Variants in WDR5 observed in about 807,000 individuals in gnomAD.
The protein encoded by WDR5 is WD repeat domain 5.
For missense variants in WDR5, 187 were observed against 416.9 expected (o/e 0.45, Z 4.80); for synonymous variants, 144 against 161.6 (o/e 0.89, Z 0.83).
chr9:134,136,139 C>G lies in WDR5; in HGVS notation c.-120C>G, dbSNP rs1564185061. The G allele has an allele frequency of 6.7e-6, 1 of 148,404 alleles. No homozygotes were observed. The highest frequency in any genetic ancestry group is 2.1e-4 in the South Asian group (1 of 4,828). 9.2% of individuals were successfully genotyped at this position (148,404 alleles called of 1,614,324 possible). A position where few individuals can be genotyped will look rare whatever the true frequency, so the allele number is the denominator to read the frequency against. ...GCCTTGTCGAGCTGAGTCCGCGCTC[C>G]CGCCCAGGCGGCGGCCGACGCGACG... On this transcript the variant is annotated 5_prime_UTR_variant, in exon 1 of 14. Coordinates refer to ENST00000358625, the MANE Select transcript of WDR5 (RefSeq NM_017588.3).
At chr9:134,155,485 C>G in intron 11 of WDR5, 112 bp downstream of exon 11, 1 of 1,438,674 alleles carries the variant, frequency 7.0e-7, no homozygotes, top group Non-Finnish European at 9.4e-7. Context: ...AGAGAGCCAT[C>G]TCCGCTGGGT....
intron 13 of WDR5, among the ~76,000 whole-genome samples, chr9:134,156,995 AC>A (rs770410056): frequency 6.6e-6 from 1 of 151,466 alleles, no homozygotes; most frequent in Non-Finnish European, 1.5e-5. Context: ...TCCCAGAGAG[AC>A]CCCCCAGCTG....
chr9:134,159,913 G>T lies in WDR5; in HGVS notation c.*1920G>T, dbSNP rs1215910483. The stretch of plus-strand genomic sequence containing the variant: ...ATTTTTTCTACATTTGAATTCTGTT[G>T]TAGATTTATGTAAAAATACATTCTT... On this transcript the variant is annotated 3_prime_UTR_variant, in exon 14 of 14. Coordinates refer to ENST00000358625, the MANE Select transcript of WDR5 (RefSeq NM_017588.3). The surrounding 1 kb of genome is among the most constrained non-coding windows in gnomAD (Gnocchi z 4.3). 6.6e-6 allele frequency: 1 copy of T among 152,184 alleles called. No individual in the cohort carries two copies. Among genetic ancestry groups the T allele is most frequent in the Non-Finnish European group, 1.5e-5 (1 of 68,024 alleles). The allele number at this position is 152,184 out of a possible 1,614,324, so 9.4% of individuals were successfully genotyped here.
At chr9:134,147,874 GGGT>G (rs2132555329) in intron 7 of WDR5, among the ~76,000 whole-genome samples, 1 of 150,736 alleles carries the variant, frequency 6.6e-6, no homozygotes, top group African/African-American at 2.5e-5. Context: ...AAAAAAAAAA[GGGT>G]GGGCGCGGTG....
chr9:134,140,294 T>G (rs1831814525), intron 2 of WDR5, among the ~76,000 whole-genome samples: 1 of 152,104 alleles, frequency 6.6e-6, no homozygotes, highest in African/African-American at 2.4e-5. Context: ...CCCGTAGACC[T>G]TTAGCAAAGG....
chr9:134,155,075 C>G (rs1483524562), intron 10 of WDR5, among the ~76,000 whole-genome samples: 1 of 152,216 alleles, frequency 6.6e-6, no homozygotes, highest in East Asian at 1.9e-4. Flanking sequence ...TGACCCGAGT[C>G]AGGGACGATA....
intron 7 of WDR5, among the ~76,000 whole-genome samples, chr9:134,145,391 G>T (rs1323180355): frequency 6.6e-6 from 1 of 152,198 alleles, no homozygotes; most frequent in Non-Finnish European, 1.5e-5. Context: ...GAGCCGCTGC[G>T]CCTGGCCTGG....
intron 1 of WDR5, among the ~76,000 whole-genome samples, chr9:134,138,068 G>A (rs564261828): frequency 6.6e-6 from 1 of 152,322 alleles, no homozygotes; most frequent in South Asian, 2.1e-4. Flanking sequence ...TCAAGTTAAG[G>A]TTGTTTTGTT....
chr9:134,138,816 A>G (rs1399873256), intron 1 of WDR5, among the ~76,000 whole-genome samples: 2 of 152,202 alleles, frequency 1.3e-5, no homozygotes, highest in African/African-American at 2.4e-5. Flanking sequence ...CCAAGCTAGA[A>G]TTTACAGTGT....
intron 7 of WDR5, among the ~76,000 whole-genome samples, chr9:134,143,193 C>T (rs1564190151): frequency 2.0e-5 from 3 of 152,192 alleles, no homozygotes; most frequent in Admixed American, 1.3e-4. Context: ...CTCCGGAGAG[C>T]GGGCCTTGCA....
Position 134,148,310 on chromosome 9 carries a change from C to G in WDR5, c.551C>G (p.Ser184Cys), listed in dbSNP as rs1292510060. Reference sequence around the variant, plus strand: ...TAGGTTCATTTTAATCGTGATGGATCCTTGATAGTTTCAAGTAGCTATGAT... The same window carrying G: ...TAGGTTCATTTTAATCGTGATGGATGCTTGATAGTTTCAAGTAGCTATGAT... ...VSAVHFNRDG[S>C]LIVSSSYDGL... The change falls in exon 8 of 14, where the codon TCC (serine) becomes TGC (cysteine). Residue 184 changes from serine to cysteine, a missense_variant. Ser to Cys is a moderately radical substitution (Grantham distance 112). Transcript: ENST00000358625. 1 of 1,582,372 alleles carries G rather than the reference C, an allele frequency of 6.3e-7. No individual in the cohort carries two copies. The highest frequency in any genetic ancestry group is 1.1e-5 in the South Asian group (1 of 90,594).
At chr9:134,145,101 T>TTG (rs1832115546) in intron 7 of WDR5, among the ~76,000 whole-genome samples, 1 of 118,352 alleles carries the variant, frequency 8.4e-6, no homozygotes, top group African/African-American at 3.7e-5. Flanking sequence ...GCTTTGTTTT[T>TTG]TTTTTTTTTT....
chr9:134,135,424 G>C (rs1831491948), upstream of WDR5: 1 of 152,350 alleles, frequency 6.6e-6, no homozygotes, highest in East Asian at 1.9e-4. Flanking sequence ...GCCAGTCCGC[G>C]GGGCTGGCGG....
Position 134,152,387 on chromosome 9 carries a change from C to T in WDR5, c.631+358C>T, listed in dbSNP as rs537580134. ...CCTCTTGGATCATTCCTTGAGTGAC[C>T]GGCTGAGTGCCTGCCCATCTGCTGG... On this transcript the variant is annotated intron_variant, in intron 9 of 13. Coordinates refer to ENST00000358625, the MANE Select transcript of WDR5 (RefSeq NM_017588.3). Among the ~76,000 whole-genome samples, 30 of 152,264 alleles carry T rather than the reference C, an allele frequency of 2.0e-4. No individual in the cohort carries two copies. In the South Asian group the frequency reaches 4.4e-3, roughly 22 times the overall value.
intron 11 of WDR5, 48 bp from the exon 12 acceptor site, chr9:134,155,645 T>A: frequency 6.3e-7 from 1 of 1,585,018 alleles, no homozygotes; most frequent in Non-Finnish European, 8.6e-7. Flanking sequence ...TTACACAAAA[T>A]CAAGGGGAAC....
At chr9:134,148,074 A>T (rs545704500) in intron 7 of WDR5, among the ~76,000 whole-genome samples, 1 of 152,034 alleles carries the variant, frequency 6.6e-6, no homozygotes, top group South Asian at 2.1e-4. Context: ...GAGGCACGAG[A>T]ATTGCTTGAA....
intron 5 of WDR5, 32 bp from the exon 6 acceptor site, chr9:134,142,301 A>G: frequency 6.3e-7 from 1 of 1,599,170 alleles, no homozygotes; most frequent in Non-Finnish European, 8.6e-7. Flanking sequence ...GGAAATAAGC[A>G]CTGGAATAAT....
intron 2 of WDR5, among the ~76,000 whole-genome samples, chr9:134,140,323 C>T (rs538796389): frequency 1.3e-5 from 2 of 152,200 alleles, no homozygotes; most frequent in East Asian, 1.9e-4. Flanking sequence ...CTTCAGTGTT[C>T]GGGGTCGGAG....
At chr9:134,140,260 C>T (rs931930943) in intron 2 of WDR5, among the ~76,000 whole-genome samples, 3 of 152,174 alleles carry the variant, frequency 2.0e-5, no homozygotes, top group African/African-American at 4.8e-5. Flanking sequence ...GCGATCCTGA[C>T]GCACAGGCAG....
Sources: allele counts gnomAD v4.1 joint callset (sites outside exome capture counted in the v4.1 genomes callset), GRCh38; gene constraint gnomAD v4.1.1; non-coding constraint Gnocchi (gnomAD v3.1); transcripts MANE v1.5; gene names NCBI Gene and HGNC (gene_info 2026-07-23, HGNC 2026-07-21).